The following LGR4 variants were observed in gnomAD, a reference collection of about 807,000 sequenced individuals.
The protein encoded by LGR4 is leucine-rich repeat-containing G protein-coupled receptor 4.
In LGR4, 44 loss-of-function variants were observed where a neutral mutation model predicts 84.8. The ratio of observed to expected loss-of-function variants is 0.52; its 90% CI spans 0.41 to 0.67. The LOEUF is 0.67. Ranked by LOEUF, LGR4 falls within the 30% of genes least tolerant of loss-of-function variation. The pLI is 0.00. For synonymous variants in LGR4, 429 were observed against 434.3 expected (o/e 0.99, Z 0.15); for missense variants, 1,032 against 1,131.4 (o/e 0.91, Z 1.26).
At chr11:27,426,338 C>T (rs552352924) in intron 1 of LGR4, among the ~76,000 whole-genome samples, 1 of 152,242 alleles carries the variant, frequency 6.6e-6, no homozygotes, top group South Asian at 2.1e-4. Context: ...CATTTAAATA[C>T]AAGTTACTGC....
At chr11:27,469,006 C>T (rs1454589850) in intron 1 of LGR4, among the ~76,000 whole-genome samples, 1 of 152,132 alleles carries the variant, frequency 6.6e-6, no homozygotes, top group African/African-American at 2.4e-5. Flanking sequence ...AGCACAAATA[C>T]AGTAATAACC....
chr11:27,424,373 G>C (rs1863981301), intron 1 of LGR4, among the ~76,000 whole-genome samples: 1 of 152,124 alleles, frequency 6.6e-6, no homozygotes, highest in Admixed American at 6.5e-5. Context: ...GGCTGCTCGG[G>C]AGCCTGAGGG....
At position 27,376,340 on chromosome 11, in the gene LGR4, T is replaced by A. The variant is rs1862980485; in HGVS notation, c.1140A>T (p.Ile380=). Reference sequence around the variant, plus strand: ...TCAGGCCTTGAAAGGTGCCTTCCTTTATTTGGTAGATTTGATTACGCTGTA... The same window carrying A: ...TCAGGCCTTGAAAGGTGCCTTCCTTAATTTGGTAGATTTGATTACGCTGTA... The part of the protein sequence containing the change: ...ISLQRNQIYQ[I]KEGTFQGLIS... The change falls in exon 13 of 18, where the codon ATA becomes ATT. Residue 380 remains isoleucine (I), a synonymous_variant. Transcript: ENST00000379214. 6.3e-7 allele frequency: 1 copy of A among 1,576,588 alleles called. No individual in the cohort carries two copies. Among genetic ancestry groups the A allele is most frequent in the Non-Finnish European group, 8.7e-7 (1 of 1,151,348 alleles).
At chr11:27,406,447 T>G (rs1414140913) in intron 2 of LGR4, among the ~76,000 whole-genome samples, 3 of 152,128 alleles carry the variant, frequency 2.0e-5, no homozygotes, top group Non-Finnish European at 4.4e-5. Context: ...TTAACCTCTC[T>G]GATGAAAAGC....
chr11:27,419,850 G>A (rs937098347), intron 1 of LGR4, among the ~76,000 whole-genome samples: 1 of 151,828 alleles, frequency 6.6e-6, no homozygotes, highest in African/African-American at 2.4e-5. Context: ...CATATTGCAC[G>A]ATTCCATTTA....
intron 2 of LGR4, among the ~76,000 whole-genome samples, chr11:27,400,760 G>A (rs1030572500): frequency 1.3e-5 from 2 of 152,146 alleles, no homozygotes; most frequent in Non-Finnish European, 2.9e-5. Flanking sequence ...GCCTCCCAAA[G>A]TGCTGGGATT....
intron 1 of LGR4, among the ~76,000 whole-genome samples, chr11:27,420,142 C>T (rs1590379441): frequency 6.6e-6 from 1 of 152,050 alleles, no homozygotes; most frequent in East Asian, 1.9e-4. Flanking sequence ...ATAGTGTCTT[C>T]TCACATTTCC....
intron 1 of LGR4, among the ~76,000 whole-genome samples, chr11:27,450,912 T>A (rs1864471631): frequency 6.6e-6 from 1 of 152,184 alleles, no homozygotes; most frequent in Non-Finnish European, 1.5e-5. Flanking sequence ...AACCTTTCAA[T>A]TTCTCCAACA....
intron 1 of LGR4, among the ~76,000 whole-genome samples, chr11:27,445,183 G>A (rs1864368213): frequency 6.6e-6 from 1 of 151,764 alleles, no homozygotes. Flanking sequence ...CCTCCTTTAG[G>A]GTACTCTCAT....
intron 2 of LGR4, among the ~76,000 whole-genome samples, chr11:27,402,439 C>T (rs1014832996): frequency 6.6e-5 from 10 of 152,226 alleles, no homozygotes; most frequent in African/African-American, 9.6e-5. Context: ...GGGTTCTTGA[C>T]GACGTGGCTG....
In LGR4 at chr11:27,472,207, G is replaced by GGGCGCCGCGCAGAGAGGC. The variant is rs1158314047; in HGVS notation, c.78_95dup (p.Pro27_Pro32dup). 3.6e-6 allele frequency: 5 copies of GGGCGCCGCGCAGAGAGGC among 1,399,484 alleles called. No homozygotes were observed. In the African/African-American group the frequency reaches 7.5e-5, roughly 21 times the overall value. 86.7% of individuals were successfully genotyped at this position (1,399,484 alleles called of 1,614,324 possible). A position where few individuals can be genotyped will look rare whatever the true frequency, so the allele number is the denominator to read the frequency against. ...CCCGACGGTCGCCGTCGCAGCTGCA[G>GGGCGCCGCGCAGAGAGGC]GGCGCCGCGCAGAGAGGCGGCGCCG... On this transcript the variant is annotated inframe_insertion, in exon 1 of 18. Transcript: ENST00000379214.
At chr11:27,399,964 A>AG (rs1863467442) in intron 2 of LGR4, among the ~76,000 whole-genome samples, 1 of 152,208 alleles carries the variant, frequency 6.6e-6, no homozygotes, top group African/African-American at 2.4e-5. Flanking sequence ...GTTCCCATGT[A>AG]GGGGCATTTG....
At chr11:27,414,894 C>T (rs529146868) in intron 1 of LGR4, among the ~76,000 whole-genome samples, 66 of 152,206 alleles carry the variant, frequency 4.3e-4, no homozygotes, top group African/African-American at 1.6e-3. Context: ...CACCTTTATA[C>T]TGACATTATA....
intron 1 of LGR4, chr11:27,471,832 T>C (rs2133468033): frequency 3.7e-6 from 1 of 271,376 alleles, no homozygotes; most frequent in Non-Finnish European, 6.9e-6. Context: ...CAGATGCACT[T>C]GTGAGTTGGG....
At chr11:27,456,560 C>G (rs192225463) in intron 1 of LGR4, among the ~76,000 whole-genome samples, 1 of 152,250 alleles carries the variant, frequency 6.6e-6, no homozygotes, top group African/African-American at 2.4e-5. Flanking sequence ...TAAAGGAGCA[C>G]ATTCAGAAAT....
chr11:27,436,371 A>AAGAAAGAG (rs1864209676), intron 1 of LGR4, among the ~76,000 whole-genome samples: 1 of 139,900 alleles, frequency 7.1e-6, no homozygotes. Context: ...GAAAGAAAGA[A>AAGAAAGAG]AGAGAGAGAG....
At chr11:27,431,754 T>G (rs1358969932) in intron 1 of LGR4, among the ~76,000 whole-genome samples, 1 of 152,146 alleles carries the variant, frequency 6.6e-6, no homozygotes, top group Non-Finnish European at 1.5e-5. Flanking sequence ...TCAAGAGCAC[T>G]CCATCCATAT....
chr11:27,417,459 A>G (rs919316828), intron 1 of LGR4, among the ~76,000 whole-genome samples: 2 of 152,158 alleles, frequency 1.3e-5, no homozygotes, highest in Non-Finnish European at 2.9e-5. Flanking sequence ...ACTAAAAATG[A>G]ACTTTGCAAA....
chr11:27,469,238 A>G (rs898418362), intron 1 of LGR4, among the ~76,000 whole-genome samples: 2 of 152,210 alleles, frequency 1.3e-5, no homozygotes, highest in Non-Finnish European at 2.9e-5. Context: ...AGACTCCGGT[A>G]AAGCGGCTTT....
Sources: gnomAD v4.1 joint callset for allele counts (sites outside exome capture counted in the v4.1 genomes callset) on GRCh38, gnomAD v4.1.1 for gene constraint, MANE v1.5 for transcripts, NCBI Gene and HGNC (gene_info 2026-07-23, HGNC 2026-07-21) for gene names.